PDIA3: variants seen among roughly 807,000 people sequenced by gnomAD.
PDIA3 encodes protein disulfide isomerase family A member 3.
Under a neutral mutation model 56.9 loss-of-function variants are expected in PDIA3, and 16 were observed. The ratio of observed to expected loss-of-function variants is 0.28; its 90% CI spans 0.19 to 0.43. The LOEUF is 0.43. PDIA3 is among the 20% of genes least tolerant of loss of function. The probability of loss-of-function intolerance (pLI) is 1.00; values close to 1 mark genes in which losing one functional copy is unlikely to be tolerated. For synonymous variants in PDIA3, 192 were observed against 216.5 expected (o/e 0.89, Z 0.99); for missense variants, 485 against 621.3 (o/e 0.78, Z 2.33).
chr15:43,759,808 A>G (rs1381488494), intron 3 of PDIA3, among the ~76,000 whole-genome samples: 1 of 152,178 alleles, frequency 6.6e-6, no homozygotes, highest in Non-Finnish European at 1.5e-5. Flanking sequence ...AACAAGGGCC[A>G]GGCATGGTGG....
At chr15:43,765,713 A>G (rs1414225788) in intron 6 of PDIA3, 147 bp downstream of exon 6, 5 of 844,070 alleles carry the variant, frequency 5.9e-6, no homozygotes, top group Non-Finnish European at 9.7e-6. Context: ...TTAAAGCAGT[A>G]ATGTGTGGGT....
intron 3 of PDIA3, among the ~76,000 whole-genome samples, chr15:43,760,897 A>G (rs1418634527): frequency 1.3e-5 from 2 of 151,908 alleles, no homozygotes; most frequent in African/African-American, 2.4e-5. Context: ...GTAGCTATGT[A>G]TATATAATTG....
intron 7 of PDIA3, among the ~76,000 whole-genome samples, chr15:43,766,484 C>T (rs1185161900): frequency 1.3e-5 from 2 of 152,208 alleles, no homozygotes. Context: ...TTATATATTA[C>T]AGCAAGATTT....
At chr15:43,751,189 G>A (rs1425469690) in intron 1 of PDIA3, among the ~76,000 whole-genome samples, 4 of 149,118 alleles carry the variant, frequency 2.7e-5, no homozygotes, top group South Asian at 2.1e-4. Context: ...TCCCCACCCC[G>A]AGTTGATCTT....
intron 6 of PDIA3, 107 bp from the exon 7 acceptor site, chr15:43,765,780 T>A: frequency 8.0e-7 from 1 of 1,251,056 alleles, no homozygotes; most frequent in Non-Finnish European, 1.1e-6. Flanking sequence ...TTGTTCTAAA[T>A]GTTTAAAATC....
chr15:43,746,635 C>T lies in PDIA3; in HGVS notation c.96C>T (p.Asp32=). ...AAASDVLELT[D]DNFESRISDT... ...CCTCCGACGTGCTAGAACTCACGGA[C>T]GACAACTTCGAGAGTCGCATCTCCG... The change falls in exon 1 of 13, where the codon GAC becomes GAT. Residue 32 remains aspartate (D), a synonymous_variant. Coordinates refer to ENST00000300289, the MANE Select transcript of PDIA3 (RefSeq NM_005313.5). 6.2e-7 allele frequency: 1 copy of T among 1,612,932 alleles called. No individual in the cohort carries two copies. The highest frequency in any genetic ancestry group is 8.5e-7 in the Non-Finnish European group (1 of 1,179,896).
chr15:43,769,327 C>T (rs1283384385), intron 9 of PDIA3, among the ~76,000 whole-genome samples, 191 bp from the exon 10 acceptor site: 2 of 152,144 alleles, frequency 1.3e-5, no homozygotes, highest in African/African-American at 4.8e-5. Context: ...TGACAGGTGA[C>T]AGACATAGGA....
intron 8 of PDIA3, among the ~76,000 whole-genome samples, chr15:43,767,864 T>C (rs1353390629): frequency 6.6e-6 from 1 of 151,640 alleles, no homozygotes; most frequent in Non-Finnish European, 1.5e-5. Flanking sequence ...CCCAGCACTT[T>C]GGGAGGCTGA....
At chr15:43,768,432 A>G in intron 8 of PDIA3, 57 bp from the exon 9 acceptor site, 2 of 1,296,160 alleles carry the variant, frequency 1.5e-6, no homozygotes, top group South Asian at 2.4e-5. Flanking sequence ...AAATTGCTGT[A>G]ATTTTCTCAG....
intron 1 of PDIA3, among the ~76,000 whole-genome samples, chr15:43,748,181 A>G (rs1219000601): frequency 6.6e-6 from 1 of 152,174 alleles, no homozygotes; most frequent in Non-Finnish European, 1.5e-5. Flanking sequence ...TATTAGTTTA[A>G]AAAAGGAATT....
chr15:43,770,729 C>G (rs551734117), intron 12 of PDIA3, 149 bp downstream of exon 12: 1 of 638,948 alleles, frequency 1.6e-6, no homozygotes. Flanking sequence ...AGTGCAATGG[C>G]GTGATCTCGG....
At position 43,765,983 on chromosome 15, in the gene PDIA3, C is replaced by T. The variant is rs140476545; in HGVS notation, c.816C>T (p.Asn272=). ...ACTATGATGTGGACTATGAAAAGAACGCTAAAGGTTCCAACTACTGGAGAA... is the reference window on the plus strand; with the variant it reads ...ACTATGATGTGGACTATGAAAAGAATGCTAAAGGTTCCAACTACTGGAGAA... ...IAYYDVDYEK[N]AKGSNYWRNR... The change falls in exon 7 of 13, where the codon AAC becomes AAT. Residue 272 remains asparagine (N), a synonymous_variant. Coordinates refer to ENST00000300289, the MANE Select transcript of PDIA3 (RefSeq NM_005313.5). 2.1e-5 allele frequency: 34 copies of T among 1,613,350 alleles called. No homozygotes were observed. In the African/African-American group the frequency reaches 2.1e-4, roughly 10 times the overall value.
At chr15:43,765,736 G>C (rs975925513) in intron 6 of PDIA3, 151 bp from the exon 7 acceptor site, 3 of 887,356 alleles carry the variant, frequency 3.4e-6, no homozygotes, top group Admixed American at 2.3e-5. Flanking sequence ...TAGAACTCCT[G>C]TTGTCATCCT....
intron 10 of PDIA3, 47 bp downstream of exon 10, chr15:43,769,693 A>G: frequency 6.3e-7 from 1 of 1,597,162 alleles, no homozygotes; most frequent in Non-Finnish European, 8.5e-7. Context: ...CGGGAGCAGT[A>G]AGTTTATGTA....
intron 5 of PDIA3, among the ~76,000 whole-genome samples, chr15:43,763,433 A>C (rs551666514): frequency 6.6e-6 from 1 of 152,272 alleles, no homozygotes; most frequent in South Asian, 2.1e-4. Context: ...TTGTATTTTT[A>C]GTAGAGACAG....
chr15:43,751,714 C>T (rs1238739144), intron 1 of PDIA3: 1 of 1,301,938 alleles, frequency 7.7e-7, no homozygotes, highest in Non-Finnish European at 1.0e-6. Flanking sequence ...TTGCAGCTTA[C>T]ACACACACCT....
chr15:43,764,930 T>G (rs2086838638), intron 5 of PDIA3, among the ~76,000 whole-genome samples: 1 of 152,180 alleles, frequency 6.6e-6, no homozygotes, highest in Admixed American at 6.6e-5. Flanking sequence ...AACCCAAAAT[T>G]TAGTAAACCC....
At chr15:43,763,279 G>T in intron 5 of PDIA3, 73 bp downstream of exon 5, 2 of 1,513,932 alleles carry the variant, frequency 1.3e-6, no homozygotes, top group Middle Eastern at 1.7e-4. Flanking sequence ...CTGGGACAAG[G>T]TTTCACTCTG....
At chr15:43,768,027 C>CG (rs2086859247) in intron 8 of PDIA3, among the ~76,000 whole-genome samples, 1 of 152,142 alleles carries the variant, frequency 6.6e-6, no homozygotes, top group Non-Finnish European at 1.5e-5. Flanking sequence ...CATTCCCCCC[C>CG]CTCATCCCTA....
Sources: gnomAD v4.1 joint callset for allele counts (sites outside exome capture counted in the v4.1 genomes callset) on GRCh38, gnomAD v4.1.1 for gene constraint, MANE v1.5 for transcripts, NCBI Gene and HGNC (gene_info 2026-07-23, HGNC 2026-07-21) for gene names.